Variants in TMC2 observed in about 807,000 individuals in gnomAD.
TMC2 encodes the protein transmembrane channel like 2.
TMC2 carries 102 observed loss-of-function variants against 105.9 expected under a neutral mutation model. The ratio of observed to expected loss-of-function variants is 0.96; its 90% CI spans 0.82 to 1.14. The LOEUF (loss-of-function observed/expected upper bound fraction) is 1.14, where lower values mean the gene tolerates loss of function less well. Among genes scored for constraint, TMC2 ranks in the 50% most tolerant of loss-of-function variants. The pLI is 0.00. For synonymous variants in TMC2, 402 were observed against 422.8 expected (o/e 0.95, Z 0.60); for missense variants, 1,093 against 1,134.3 (o/e 0.96, Z 0.52).
At chr20:2,569,610 G>A (rs73583373) in intron 4 of TMC2, among the ~76,000 whole-genome samples, 19,253 of 152,152 alleles carry the variant, frequency 0.13, 1,504 homozygotes, top group African/African-American at 0.21. Context: ...ACATCAAGGA[G>A]CATCTGTATT....
rs370139449 is a variant in TMC2, at chr20:2,542,369, T to C, written c.82+5053T>C. Among the ~76,000 whole-genome samples, 22 of 152,300 alleles carry C rather than the reference T, an allele frequency of 1.4e-4. No individual in the cohort carries two copies. The East Asian group carries it at 4.2e-3, about 29-fold the overall frequency. On this transcript the variant is annotated intron_variant, in intron 2 of 19. Coordinates refer to ENST00000358864, the MANE Select transcript of TMC2 (RefSeq NM_080751.3). Reference sequence around the variant, plus strand: ...GGAAACGTGTGGTAAATAAGTGTTATTCAGTAAGGTTTGTTAAGCAGGTAA... The same window carrying C: ...GGAAACGTGTGGTAAATAAGTGTTACTCAGTAAGGTTTGTTAAGCAGGTAA...
chr20:2,603,035 T>A (rs2146225136), intron 11 of TMC2, among the ~76,000 whole-genome samples: 1 of 152,350 alleles, frequency 6.6e-6, no homozygotes, highest in Non-Finnish European at 1.5e-5. Flanking sequence ...CTTGCTCTTT[T>A]ACTGCTTTTG....
chr20:2,540,478 T>C (rs1169692694), intron 2 of TMC2, among the ~76,000 whole-genome samples: 2 of 151,560 alleles, frequency 1.3e-5, no homozygotes, highest in African/African-American at 4.8e-5. Flanking sequence ...CTGGTCAACA[T>C]GGTGAAACCC....
chr20:2,547,316 T>C (rs1332821915), intron 2 of TMC2, among the ~76,000 whole-genome samples: 1 of 152,226 alleles, frequency 6.6e-6, no homozygotes, highest in Non-Finnish European at 1.5e-5. Flanking sequence ...CTGATAATTC[T>C]ACTGTTGTCT....
intron 2 of TMC2, among the ~76,000 whole-genome samples, chr20:2,540,703 A>G (rs11907453): frequency 0.014 from 2,094 of 151,630 alleles, 48 homozygotes; most frequent in African/African-American, 0.048. Flanking sequence ...ATGGCTTCAG[A>G]CCCATGTTTG....
chr20:2,640,411 C>G (rs1042308319), intron 19 of TMC2, among the ~76,000 whole-genome samples: 1 of 152,136 alleles, frequency 6.6e-6, no homozygotes, highest in African/African-American at 2.4e-5. Context: ...CAAAGAGGCC[C>G]AAAATGGCTA....
intron 2 of TMC2, among the ~76,000 whole-genome samples, chr20:2,551,688 C>T (rs1212161064): frequency 6.6e-6 from 1 of 152,130 alleles, no homozygotes; most frequent in Non-Finnish European, 1.5e-5. Context: ...GGCATAAGGT[C>T]TGTATCTAGA....
At chr20:2,586,421 A>G (rs2086232513) in intron 7 of TMC2, among the ~76,000 whole-genome samples, 1 of 152,210 alleles carries the variant, frequency 6.6e-6, no homozygotes, top group South Asian at 2.1e-4. Flanking sequence ...CTATGAAGAA[A>G]TACCTGAGGC....
At chr20:2,563,270 G>C (rs773401683) in intron 4 of TMC2, among the ~76,000 whole-genome samples, 1 of 152,168 alleles carries the variant, frequency 6.6e-6, no homozygotes. Context: ...GGCCGACCCC[G>C]ACAAGGAAAA....
rs67974890 is a variant in TMC2 at position 2,616,567 on chromosome 20, A to G, written c.1940+363A>G. Among the ~76,000 whole-genome samples, 3 of 99,544 alleles carry G rather than the reference A, an allele frequency of 3.0e-5. No homozygotes were observed. Among genetic ancestry groups the G allele is most frequent in the Non-Finnish European group, 7.8e-5 (3 of 38,538 alleles). The allele number at this position is 99,544 out of a possible 152,430, so 65.3% of individuals were successfully genotyped here. A position where few individuals can be genotyped will look rare whatever the true frequency, so the allele number is the denominator to read the frequency against. ...GGAAAAGAGGAGGAAAGGAAAATAAAGAAGGAGGGAGGGAGAAAAGAAGGA... is the reference window on the plus strand; with the variant it reads ...GGAAAAGAGGAGGAAAGGAAAATAAGGAAGGAGGGAGGGAGAAAAGAAGGA... On this transcript the variant is annotated intron_variant, in intron 15 of 19. Coordinates refer to ENST00000358864, the MANE Select transcript of TMC2 (RefSeq NM_080751.3). This position sits in a 1 kb window ranked among gnomAD's most constrained non-coding sequence, Gnocchi z 4.8.
chr20:2,636,812 C>A (rs1467679285), intron 18 of TMC2, among the ~76,000 whole-genome samples: 2 of 151,980 alleles, frequency 1.3e-5, no homozygotes, highest in Non-Finnish European at 2.9e-5. Flanking sequence ...ATTTTTAGTA[C>A]ATGTGAGCCA....
chr20:2,559,359 G>A (rs2325889), intron 3 of TMC2, among the ~76,000 whole-genome samples: 98,536 of 151,938 alleles, frequency 0.65, 32,567 homozygotes, highest in African/African-American at 0.77. Flanking sequence ...CATTACCATT[G>A]GCACCAACTA....
In TMC2 at chr20:2,594,225, C is replaced by CTTTTTTTTTTTTTTTTTTT. The variant is rs565664102; in HGVS notation, c.934-598_934-580dup. ...CCAACTATACTGTTACTAAGGATTC[C>CTTTTTTTTTTTTTTTTTTT]TTTTTTTTTTTTTTTTTTTTGAGAC... is the stretch of plus-strand genomic sequence containing the variant. On this transcript the variant is annotated intron_variant, in intron 8 of 19. Transcript: ENST00000358864. Among the ~76,000 whole-genome samples, 71 of 113,774 alleles carry CTTTTTTTTTTTTTTTTTTT rather than the reference C, an allele frequency of 6.2e-4. 5 individuals are homozygous for CTTTTTTTTTTTTTTTTTTT. The highest frequency in any genetic ancestry group is 6.0e-3 in the Middle Eastern group (1 of 168). 74.6% of individuals were successfully genotyped at this position (113,774 alleles called of 152,430 possible).
At chr20:2,546,612 G>A (rs2085928008) in intron 2 of TMC2, among the ~76,000 whole-genome samples, 1 of 151,878 alleles carries the variant, frequency 6.6e-6, no homozygotes, top group South Asian at 2.1e-4. Flanking sequence ...TTAGGATGGT[G>A]TATGTCTCTT....
intron 17 of TMC2, among the ~76,000 whole-genome samples, chr20:2,633,717 A>C (rs2086621075): frequency 6.6e-6 from 1 of 151,836 alleles, no homozygotes; most frequent in African/African-American, 2.4e-5. Flanking sequence ...ACTGATTTTC[A>C]CCAAAATTTG....
At chr20:2,589,254 T>A (rs6037050) in intron 7 of TMC2, among the ~76,000 whole-genome samples, 58,096 of 139,372 alleles carry the variant, frequency 0.42, 13,379 homozygotes, top group Admixed American at 0.52. Context: ...TTTTTCCAGA[T>A]ATCTTCCTAT....
intron 4 of TMC2, 33 bp from the exon 5 acceptor site, chr20:2,572,146 T>C (rs1278737541): frequency 1.3e-6 from 2 of 1,539,218 alleles, no homozygotes; most frequent in East Asian, 2.2e-5. Context: ...AGGTGCTAAC[T>C]GAAATCCTGC....
chr20:2,619,647 G>A (rs979940023), intron 16 of TMC2, among the ~76,000 whole-genome samples: 1 of 152,188 alleles, frequency 6.6e-6, no homozygotes, highest in East Asian at 1.9e-4. Flanking sequence ...GGAAAACAGT[G>A]TTCACACAGA....
At chr20:2,597,644 T>C (rs2086318389) in intron 10 of TMC2, among the ~76,000 whole-genome samples, 1 of 145,864 alleles carries the variant, frequency 6.9e-6, no homozygotes, top group Non-Finnish European at 1.5e-5. Context: ...CCTGCCACTA[T>C]GCCCAGCTAA....
Sources: gnomAD v4.1 joint callset for allele counts (sites outside exome capture counted in the v4.1 genomes callset) on GRCh38, gnomAD v4.1.1 for gene constraint, Gnocchi (gnomAD v3.1) non-coding constraint, MANE v1.5 for transcripts, NCBI Gene and HGNC (gene_info 2026-07-23, HGNC 2026-07-21) for gene names.